Variants in MON2 observed in about 807,000 individuals in gnomAD.
The protein encoded by MON2 is protein MON2 homolog.
MON2 carries 84 observed loss-of-function variants against 208.6 expected under a neutral mutation model. That is an observed-to-expected ratio of 0.40 (90% CI 0.34 to 0.48). MON2 has a LOEUF of 0.48. Ranked by LOEUF, MON2 falls within the 20% of genes least tolerant of loss-of-function variation. The pLI is 0.59. For missense variants in MON2, 1,611 were observed against 2,015.4 expected (o/e 0.80, Z 3.84); for synonymous variants, 660 against 694.0 (o/e 0.95, Z 0.77).
intron 1 of MON2, among the ~76,000 whole-genome samples, chr12:62,474,119 CTT>C (rs778065734): frequency 2.1e-5 from 3 of 141,826 alleles, no homozygotes; most frequent in Non-Finnish European, 1.5e-5. Flanking sequence ...CTTTTCTTTT[CTT>C]TTTTTTTTTT....
In MON2 at chr12:62,537,710, T is replaced by C. The variant is rs375153004; in HGVS notation, c.2118+4T>C. The C allele has an allele frequency of 6.3e-7, 1 of 1,598,078 alleles. No homozygotes were observed. Among genetic ancestry groups the C allele is most frequent in the African/African-American group, 1.3e-5 (1 of 74,402 alleles). On this transcript the variant is annotated splice_donor_region_variant and intron_variant, in intron 16 of 34. Transcript: ENST00000393630. The stretch of plus-strand genomic sequence containing the variant: ...ACTTGTCTTGGCAACTCTTCAGGTA[T>C]GTAAAAGTGTCTAGGTCAGAGATTA...
chr12:62,490,449 A>G (rs1256080563), intron 2 of MON2, among the ~76,000 whole-genome samples: 1 of 152,032 alleles, frequency 6.6e-6, no homozygotes, highest in Non-Finnish European at 1.5e-5. Flanking sequence ...CTCAGTCTGT[A>G]GGAAGGTATT....
intron 1 of MON2, among the ~76,000 whole-genome samples, chr12:62,470,280 T>A (rs1397451815): frequency 6.6e-6 from 1 of 152,170 alleles, no homozygotes; most frequent in Admixed American, 6.5e-5. Context: ...TAAAAGAGTA[T>A]TGATAAAGAA....
chr12:62,484,236 A>G lies in MON2; in HGVS notation c.175+3A>G. The G allele has an allele frequency of 6.3e-7, 1 of 1,584,434 alleles. No homozygotes were observed. Among genetic ancestry groups the G allele is most frequent in the Non-Finnish European group, 8.6e-7 (1 of 1,162,502 alleles). The stretch of plus-strand genomic sequence containing the variant: ...ACGAAACACTGAAATTTTGGCAGGT[A>G]ATTTTTTGTATTAAAAATTTAATAA... On this transcript the variant is annotated splice_donor_region_variant and intron_variant, in intron 2 of 34. Transcript: ENST00000393630.
At chr12:62,591,573 A>G (rs942566879) in intron 34 of MON2, among the ~76,000 whole-genome samples, 1 of 152,240 alleles carries the variant, frequency 6.6e-6, no homozygotes, top group Non-Finnish European at 1.5e-5. Context: ...AAGGTGAGAG[A>G]TATGAAACAT....
intron 32 of MON2, among the ~76,000 whole-genome samples, chr12:62,583,728 C>T (rs1448157174): frequency 6.6e-6 from 1 of 150,992 alleles, no homozygotes; most frequent in Non-Finnish European, 1.5e-5. Context: ...ATGGGTGGAT[C>T]ACTTGAAGTC....
chr12:62,527,125 AAAAAT>A (rs752965519), intron 11 of MON2, among the ~76,000 whole-genome samples: 2 of 152,114 alleles, frequency 1.3e-5, no homozygotes, highest in South Asian at 2.1e-4. Context: ...GACTCTGTCT[AAAAAT>A]AAAATAAAAC....
intron 1 of MON2, among the ~76,000 whole-genome samples, chr12:62,479,855 A>T (rs1468130618): frequency 6.6e-6 from 1 of 152,204 alleles, no homozygotes; most frequent in Non-Finnish European, 1.5e-5. Flanking sequence ...GGTTCCCTGC[A>T]GATATACGTG....
intron 7 of MON2, among the ~76,000 whole-genome samples, chr12:62,504,386 A>G (rs1040171655): frequency 1.3e-5 from 2 of 151,240 alleles, no homozygotes; most frequent in Non-Finnish European, 1.5e-5. Context: ...TTGGGACCAC[A>G]GGTGCCCGCC....
Position 62,499,000 on chromosome 12 carries a change from G to T in MON2, c.517G>T (p.Val173Phe). ...AGCTGCTGCTACAGTGCGACAAGTT[G>T]TTACTGTTGTTTTTGAGAGGATGGT... ...NTAAATVRQV[V>F]TVVFERMVAE... Residue 173 changes from valine (V) to phenylalanine (F), a missense_variant, in exon 5 of 35, where the codon GTT becomes TTT. Coordinates refer to ENST00000393630, the MANE Select transcript of MON2 (RefSeq NM_015026.3). The T allele has an allele frequency of 1.2e-6, 2 of 1,613,312 alleles. No individual in the cohort carries two copies. The highest frequency in any genetic ancestry group is 1.7e-6 in the Non-Finnish European group (2 of 1,179,694).
intron 2 of MON2, among the ~76,000 whole-genome samples, chr12:62,487,955 T>G (rs3858677): frequency 3.3e-5 from 5 of 152,028 alleles, no homozygotes; most frequent in African/African-American, 9.7e-5. Context: ...TCTAGATGAC[T>G]TACTCCCTGA....
At chr12:62,580,119 A>G (rs1158205229) in intron 31 of MON2, among the ~76,000 whole-genome samples, 178 bp from the exon 32 acceptor site, 1 of 152,196 alleles carries the variant, frequency 6.6e-6, no homozygotes, top group Admixed American at 6.5e-5. Context: ...ACTAGGACAG[A>G]TGAGAGAAAC....
At chr12:62,536,577 G>A (rs1245338759) in intron 14 of MON2, among the ~76,000 whole-genome samples, 1 of 151,974 alleles carries the variant, frequency 6.6e-6, no homozygotes, top group Non-Finnish European at 1.5e-5. Context: ...TTCGAGTTCT[G>A]TATTGCTTAT....
intron 8 of MON2, among the ~76,000 whole-genome samples, chr12:62,519,694 A>G (rs967443568): frequency 1.3e-5 from 2 of 152,372 alleles, no homozygotes; most frequent in African/African-American, 4.8e-5. Flanking sequence ...GGGTTGACAC[A>G]TAACGATGAA....
chr12:62,588,887 CT>C, intron 34 of MON2: 1 of 1,476,436 alleles, frequency 6.8e-7, no homozygotes, highest in Non-Finnish European at 9.1e-7. Flanking sequence ...TACCACCCTA[CT>C]TTTAAACCTT....
chr12:62,547,967 C>T (rs752734458), intron 22 of MON2, among the ~76,000 whole-genome samples: 5 of 152,138 alleles, frequency 3.3e-5, no homozygotes, highest in Non-Finnish European at 5.9e-5. Context: ...ATCATATCCT[C>T]ATCAGTAAGC....
Position 62,469,882 on chromosome 12 carries a change from T to TTTTTTTTATTTA in MON2, c.111+2567_111+2568insTTTTATTTATTT, listed in dbSNP as rs1555229882. ...TTATGGCCATAGTGCTTGACTATTA[T>TTTTTTTTATTTA]TTTATTTATTTATTTATTTATTTAT... On this transcript the variant is annotated intron_variant, in intron 1 of 34. Transcript: ENST00000393630. 6.7e-4 allele frequency among the ~76,000 whole-genome samples: 79 copies of TTTTTTTTATTTA among 117,866 alleles called. 2 individuals carry two copies. In the East Asian group the frequency reaches 7.3e-3, roughly 11 times the overall value. 77.3% of individuals were successfully genotyped at this position (117,866 alleles called of 152,430 possible).
chr12:62,524,066 A>G (rs1054796687), intron 8 of MON2, among the ~76,000 whole-genome samples: 48 of 152,172 alleles, frequency 3.2e-4, no homozygotes, highest in African/African-American at 1.1e-3. Context: ...TTATTTTTCT[A>G]CTATAAAATT....
intron 24 of MON2, among the ~76,000 whole-genome samples, chr12:62,554,558 G>T (rs527791703): frequency 6.6e-6 from 1 of 152,138 alleles, no homozygotes; most frequent in African/African-American, 2.4e-5. Flanking sequence ...GCAGCGGCCT[G>T]ATCGTAGCAC....
Sources: allele counts gnomAD v4.1 joint callset (sites outside exome capture counted in the v4.1 genomes callset), GRCh38; gene constraint gnomAD v4.1.1; transcripts MANE v1.5; gene names NCBI Gene and HGNC (gene_info 2026-07-23, HGNC 2026-07-21).